ZCCHC24: variants seen among roughly 807,000 people sequenced by gnomAD.
ZCCHC24 encodes zinc finger CCHC domain-containing protein 24.
ZCCHC24 carries 10 observed loss-of-function variants against 26.2 expected under a neutral mutation model. That is an observed-to-expected ratio of 0.38 (90% confidence interval 0.24 to 0.65). ZCCHC24 has a LOEUF of 0.65. Ranked by LOEUF, ZCCHC24 falls within the 30% of genes least tolerant of loss-of-function variation. The probability of loss-of-function intolerance (pLI) is 0.54; values close to 1 mark genes in which losing one functional copy is unlikely to be tolerated. For synonymous variants in ZCCHC24, 144 were observed against 147.1 expected (o/e 0.98, Z 0.15); for missense variants, 243 against 329.1 (o/e 0.74, Z 2.03).
intron 2 of ZCCHC24, among the ~76,000 whole-genome samples, chr10:79,410,041 C>T (rs896962059): frequency 9.2e-5 from 14 of 152,386 alleles, no homozygotes; most frequent in Admixed American, 8.5e-4. Flanking sequence ...GAGGCCCATT[C>T]TGGCCCTCTT....
At chr10:79,426,387 G>A (rs1355529914) in intron 2 of ZCCHC24, among the ~76,000 whole-genome samples, 1 of 152,160 alleles carries the variant, frequency 6.6e-6, no homozygotes, top group Non-Finnish European at 1.5e-5. Flanking sequence ...GGAGATAAAG[G>A]AGCAGAAAGA....
rs1157468089 is a variant in ZCCHC24 at position 79,382,541 on chromosome 10, C to T, written c.*3804G>A. On this transcript the variant is annotated 3_prime_UTR_variant, in exon 4 of 4. Transcript: ENST00000372336. ...ACTCACACGTATGGACAGACACAGA[C>T]ACGGACGGGGTCACCGCATGGGGGC... 2 of 152,852 alleles carry T rather than the reference C, an allele frequency of 1.3e-5. No individual in the cohort carries two copies. The highest frequency in any genetic ancestry group is 3.8e-4 in the East Asian group (2 of 5,326). 9.5% of individuals were successfully genotyped at this position (152,852 alleles called of 1,614,324 possible). A position where few individuals can be genotyped will look rare whatever the true frequency, so the allele number is the denominator to read the frequency against.
rs1856341504 is a variant in ZCCHC24, at chr10:79,382,932, G to A, written c.*3413C>T. The A allele has an allele frequency of 6.6e-6, 1 of 152,598 alleles. No individual in the cohort carries two copies. The highest frequency in any genetic ancestry group is 6.5e-5 in the Admixed American group (1 of 15,282). 9.5% of individuals were successfully genotyped at this position (152,598 alleles called of 1,614,324 possible). A position where few individuals can be genotyped will look rare whatever the true frequency, so the allele number is the denominator to read the frequency against. ...CCTCCCACCAAGCCAAGACGCTGGTGGACCACAGAGGGGCTGGTTAGTCAA... is the reference window on the plus strand; with the variant it reads ...CCTCCCACCAAGCCAAGACGCTGGTAGACCACAGAGGGGCTGGTTAGTCAA... On this transcript the variant is annotated 3_prime_UTR_variant, in exon 4 of 4. Transcript: ENST00000372336.
intron 2 of ZCCHC24, among the ~76,000 whole-genome samples, chr10:79,405,458 G>T (rs75090555): frequency 0.06 from 9,101 of 152,278 alleles, 904 homozygotes; most frequent in African/African-American, 0.21. Flanking sequence ...AGGTCGCACA[G>T]GTAGGAGGTG....
intron 2 of ZCCHC24, among the ~76,000 whole-genome samples, chr10:79,422,965 C>T (rs926204966): frequency 6.6e-6 from 1 of 152,216 alleles, no homozygotes; most frequent in Non-Finnish European, 1.5e-5. Flanking sequence ...AAAGAGACAG[C>T]TTAGGAAAAG....
chr10:79,444,375 GC>G, intron 1 of ZCCHC24: 1 of 756,400 alleles, frequency 1.3e-6, no homozygotes, highest in Non-Finnish European at 1.6e-6. Flanking sequence ...AAGAGGCGCT[GC>G]CCAGTCAACT....
At chr10:79,399,748 G>A (rs1011293446) in intron 2 of ZCCHC24, among the ~76,000 whole-genome samples, 4 of 152,234 alleles carry the variant, frequency 2.6e-5, no homozygotes, top group African/African-American at 9.6e-5. Flanking sequence ...AGAAGGCAGC[G>A]CTGCAGGGCG....
intron 2 of ZCCHC24, among the ~76,000 whole-genome samples, chr10:79,423,593 A>ATATATATATATATATATATTT (rs1856983062): frequency 3.2e-5 from 1 of 31,440 alleles, no homozygotes. Context: ...ATATATATAT[A>ATATATATATATATATATATTT]TATATATATA....
chr10:79,408,925 T>G (rs752773049), intron 2 of ZCCHC24: 1 of 152,052 alleles, frequency 6.6e-6, no homozygotes, highest in Non-Finnish European at 1.5e-5. Context: ...TAAAGTAAAA[T>G]CAGGAAAGGC....
chr10:79,394,954 A>C (rs1430586214), intron 2 of ZCCHC24, among the ~76,000 whole-genome samples: 24 of 152,212 alleles, frequency 1.6e-4, no homozygotes, highest in Admixed American at 1.6e-3. Flanking sequence ...CGGGCCCTGC[A>C]TTTACAGATG....
chr10:79,426,808 C>T (rs1343872335), intron 2 of ZCCHC24, among the ~76,000 whole-genome samples: 2 of 152,090 alleles, frequency 1.3e-5, no homozygotes, highest in Non-Finnish European at 2.9e-5. Flanking sequence ...ATTTAGAAAG[C>T]AAATGGCAGT....
chr10:79,394,380 A>G lies in ZCCHC24; in HGVS notation c.508T>C (p.Tyr170His). 1 of 1,614,154 alleles carries G rather than the reference A, an allele frequency of 6.2e-7. No individual in the cohort carries two copies. Among genetic ancestry groups the G allele is most frequent in the Non-Finnish European group, 8.5e-7 (1 of 1,180,032 alleles). Residue 170 changes from tyrosine to histidine, a missense_variant, in exon 3 of 4, where the codon TAC becomes CAC. Physicochemically the swap from Tyr to His is moderately conservative, Grantham distance 83. Around this residue, in one of 2 missense-constraint regions of ZCCHC24, gnomAD observed 96 missense variants for 178.3 expected, o/e 0.54. Transcript: ENST00000372336. ...YQGKKRCFGE[Y>H]KCPKCKRKWM... Reference sequence around the variant, plus strand: ...TTTCTCTTGCACTTGGGACACTTGTACTCGCCGAAGCAGCGCTTTTTGCCC... The same window carrying G: ...TTTCTCTTGCACTTGGGACACTTGTGCTCGCCGAAGCAGCGCTTTTTGCCC...
At chr10:79,407,479 A>G (rs1459790555) in intron 2 of ZCCHC24, among the ~76,000 whole-genome samples, 5 of 152,204 alleles carry the variant, frequency 3.3e-5, no homozygotes, top group Non-Finnish European at 7.3e-5. Flanking sequence ...GCATTGGTAC[A>G]CTGCACGCTG....
intron 2 of ZCCHC24, among the ~76,000 whole-genome samples, chr10:79,403,814 C>T (rs535795579): frequency 1.3e-5 from 2 of 152,108 alleles, no homozygotes; most frequent in African/African-American, 2.4e-5. Flanking sequence ...TGTCAAAGTG[C>T]AAGGAACAAT....
intron 1 of ZCCHC24, among the ~76,000 whole-genome samples, chr10:79,437,406 T>A (rs1857230751): frequency 6.6e-6 from 1 of 152,216 alleles, no homozygotes; most frequent in Admixed American, 6.5e-5. Flanking sequence ...ATCTTTTACC[T>A]TTCTTAGTCC....
chr10:79,426,015 T>A (rs1857022252), intron 2 of ZCCHC24, among the ~76,000 whole-genome samples: 1 of 152,202 alleles, frequency 6.6e-6, no homozygotes, highest in African/African-American at 2.4e-5. Context: ...AGAATTGGCT[T>A]CTAGCACCTT....
intron 3 of ZCCHC24, among the ~76,000 whole-genome samples, chr10:79,390,140 G>A (rs1023206107): frequency 2.6e-5 from 4 of 152,088 alleles, no homozygotes; most frequent in African/African-American, 9.7e-5. Context: ...CAAAGTGCTG[G>A]GACTACAGGT....
At chr10:79,441,865 C>T (rs1324603238) in intron 1 of ZCCHC24, among the ~76,000 whole-genome samples, 1 of 152,234 alleles carries the variant, frequency 6.6e-6, no homozygotes, top group East Asian at 1.9e-4. Context: ...ACAGCCACAT[C>T]TCCCTGGAGG....
Position 79,386,132 on chromosome 10 carries a change from C to T in ZCCHC24, c.*213G>A. ...GCCCGCCTGCAAAAAGCCCCAGACT[C>T]CCTGCTTTCCCTGGCCTGTGGGGGG... On this transcript the variant is annotated 3_prime_UTR_variant, in exon 4 of 4. Transcript: ENST00000372336. 1.7e-6 allele frequency: 1 copy of T among 604,556 alleles called. No homozygotes were observed. The highest frequency in any genetic ancestry group is 2.0e-5 in the South Asian group (1 of 49,536). The allele number at this position is 604,556 out of a possible 1,614,324, so 37.4% of individuals were successfully genotyped here.
Sources: gnomAD v4.1 joint callset for allele counts (sites outside exome capture counted in the v4.1 genomes callset) on GRCh38, gnomAD v4.1.1 for gene constraint, gnomAD v4.1.1 regional missense constraint, MANE v1.5 for transcripts, NCBI Gene and HGNC (gene_info 2026-07-23, HGNC 2026-07-21) for gene names.